SYT1: variants seen among roughly 807,000 people sequenced by gnomAD.
The protein encoded by SYT1 is synaptotagmin-1.
In SYT1, 8 loss-of-function variants were observed where a neutral mutation model predicts 44.8. The observed-to-expected ratio is 0.18, with a 90% confidence interval of 0.10 to 0.32. SYT1 has a LOEUF of 0.32. SYT1 is among the 10% of genes least tolerant of loss of function. The pLI is 1.00. For synonymous variants in SYT1, 154 were observed against 188.8 expected, an observed-to-expected ratio of 0.82 and a Z score of 1.51; for missense variants, 286 against 509.3, an observed-to-expected ratio of 0.56 and a Z score of 4.22.
At position 79,217,595 on chromosome 12, in the gene SYT1, G is replaced by A. The variant is rs749842628; in HGVS notation, c.76G>A (p.Ala26Thr). The change falls in exon 4 of 11, where the codon GCC becomes ACC. Residue 26 changes from alanine to threonine, a missense_variant. By Grantham distance (58) the Ala-to-Thr change is moderately conservative (BLOSUM62 0). Transcript: ENST00000261205. ...TTVATVLPSN[A>T]TEPASPGEGK... ...TGTCGCGACTGTTCTGCCAAGCAAC[G>A]CCACAGAGCCAGCCAGTCCTGGAGA... 6.2e-7 allele frequency: 1 copy of A among 1,613,064 alleles called. No homozygotes were observed. The highest frequency in any genetic ancestry group is 8.5e-7 in the Non-Finnish European group (1 of 1,179,506).
chr12:79,006,908 A>C (rs1029166720), intron 2 of SYT1, among the ~76,000 whole-genome samples: 1 of 152,100 alleles, frequency 6.6e-6, no homozygotes, highest in East Asian at 1.9e-4. Context: ...ACTTTGGTTG[A>C]TATATAGCTC....
chr12:78,887,320 T>A (rs1407360033), intron 1 of SYT1, among the ~76,000 whole-genome samples: 1 of 151,934 alleles, frequency 6.6e-6, no homozygotes, highest in Non-Finnish European at 1.5e-5. Context: ...AGTGATTGTG[T>A]TCAAGTAACC....
intron 2 of SYT1, among the ~76,000 whole-genome samples, chr12:78,990,606 A>G (rs968863797): frequency 1.3e-5 from 2 of 152,164 alleles, no homozygotes; most frequent in Non-Finnish European, 2.9e-5. Flanking sequence ...GTTCTTTCTT[A>G]AATTTAATTA....
intron 3 of SYT1, among the ~76,000 whole-genome samples, chr12:79,110,251 T>C (rs1047598222): frequency 1.3e-5 from 2 of 151,876 alleles, no homozygotes; most frequent in African/African-American, 4.8e-5. Flanking sequence ...TTTTTATTGA[T>C]TGGAAAAAAA....
intron 4 of SYT1, among the ~76,000 whole-genome samples, chr12:79,255,578 A>G (rs1340064601): frequency 6.6e-6 from 1 of 152,206 alleles, no homozygotes; most frequent in Admixed American, 6.5e-5. Context: ...CACATCTGGG[A>G]AAGGAACCTA....
At chr12:79,135,067 A>G (rs1429837739) in intron 3 of SYT1, among the ~76,000 whole-genome samples, 1 of 152,142 alleles carries the variant, frequency 6.6e-6, no homozygotes. Flanking sequence ...ATATATGTGT[A>G]CTAAAATATC....
At chr12:79,253,483 G>GTCTCTCTCTCTCTC (rs60179268) in intron 4 of SYT1, among the ~76,000 whole-genome samples, 30 of 129,484 alleles carry the variant, frequency 2.3e-4, no homozygotes, top group African/African-American at 5.7e-4. Flanking sequence ...CCATTGCCCA[G>GTCTCTCTCTCTCTC]TCTCTCTCTC....
intron 1 of SYT1, among the ~76,000 whole-genome samples, chr12:78,945,808 C>A (rs536573076): frequency 1.3e-5 from 2 of 152,266 alleles, no homozygotes; most frequent in African/African-American, 4.8e-5. Context: ...AGTCCCTGAT[C>A]CTCAACCCCA....
chr12:79,005,900 A>G (rs1871045431), intron 2 of SYT1, among the ~76,000 whole-genome samples: 1 of 152,134 alleles, frequency 6.6e-6, no homozygotes, highest in Non-Finnish European at 1.5e-5. Flanking sequence ...AAACACTTCA[A>G]CACTCATGGG....
chr12:78,893,709 A>C (rs992749494), intron 1 of SYT1, among the ~76,000 whole-genome samples: 1 of 151,786 alleles, frequency 6.6e-6, no homozygotes, highest in Non-Finnish European at 1.5e-5. Context: ...AACTAAAAAG[A>C]TAGGTTTAAG....
chr12:79,153,564 T>C (rs966400113), intron 3 of SYT1, among the ~76,000 whole-genome samples: 12 of 152,124 alleles, frequency 7.9e-5, no homozygotes, highest in African/African-American at 2.9e-4. Flanking sequence ...GAGGATATAA[T>C]GCATTTTGTA....
At chr12:79,111,032 T>G (rs1033157957) in intron 3 of SYT1, among the ~76,000 whole-genome samples, 1 of 152,142 alleles carries the variant, frequency 6.6e-6, no homozygotes, top group Non-Finnish European at 1.5e-5. Context: ...CTGGGTAACA[T>G]TTATTTTTCA....
intron 4 of SYT1, among the ~76,000 whole-genome samples, chr12:79,218,131 G>A (rs1018503424): frequency 1.1e-4 from 17 of 151,536 alleles, no homozygotes; most frequent in African/African-American, 3.9e-4. Flanking sequence ...AAATCTTATT[G>A]TTATTTTTTA....
At chr12:79,103,703 G>A (rs1878558837) in intron 3 of SYT1, among the ~76,000 whole-genome samples, 1 of 152,052 alleles carries the variant, frequency 6.6e-6, no homozygotes, top group Admixed American at 6.6e-5. Flanking sequence ...TAAGAATGAT[G>A]TGACCTCTTA....
rs546870729 is a variant in SYT1, at chr12:78,870,409, A to AT, written c.-217+5307dup. On this transcript the variant is annotated intron_variant, in intron 1 of 10. Coordinates refer to ENST00000261205, the MANE Select transcript of SYT1 (RefSeq NM_005639.3). Reference sequence around the variant, plus strand: ...ATTTTAAAGTGCTTAGAGTTCCGATATTTTTTTATCAAAGGGTATTATATA... The same window carrying AT: ...ATTTTAAAGTGCTTAGAGTTCCGATATTTTTTTTATCAAAGGGTATTATATA... Among the ~76,000 whole-genome samples, 105 of 152,118 alleles carry AT rather than the reference A, an allele frequency of 6.9e-4. 1 individual carries two copies. Among genetic ancestry groups the AT allele is most frequent in the African/African-American group, 2.5e-3 (104 of 41,518 alleles).
intron 2 of SYT1, among the ~76,000 whole-genome samples, chr12:79,000,847 A>G (rs1258591043): frequency 6.6e-6 from 1 of 152,108 alleles, no homozygotes; most frequent in Non-Finnish European, 1.5e-5. Flanking sequence ...TTTTAACATC[A>G]ATATCTGTTG....
intron 2 of SYT1, among the ~76,000 whole-genome samples, chr12:78,995,513 T>A (rs1485400073): frequency 2.0e-5 from 3 of 152,184 alleles, no homozygotes; most frequent in Non-Finnish European, 4.4e-5. Flanking sequence ...TGTAAAGATG[T>A]AATCACCTGA....
intron 8 of SYT1, among the ~76,000 whole-genome samples, chr12:79,317,572 A>C (rs528902657): frequency 6.6e-6 from 1 of 152,170 alleles, no homozygotes; most frequent in Non-Finnish European, 1.5e-5. Context: ...CCCGGGGCAC[A>C]CAAACCCAGC....
At chr12:79,384,731 T>C (rs1318567842) in intron 9 of SYT1, among the ~76,000 whole-genome samples, 1 of 152,160 alleles carries the variant, frequency 6.6e-6, no homozygotes, top group African/African-American at 2.4e-5. Context: ...AAGGCTTGAA[T>C]AGAAGCATAG....
Sources: gnomAD v4.1 joint callset for allele counts (sites outside exome capture counted in the v4.1 genomes callset) on GRCh38, gnomAD v4.1.1 for gene constraint, MANE v1.5 for transcripts, NCBI Gene and HGNC (gene_info 2026-07-23, HGNC 2026-07-21) for gene names.